The following FUT9 variants were observed in gnomAD, a reference collection of about 807,000 sequenced individuals.
The protein encoded by FUT9 is 4-galactosyl-N-acetylglucosaminide 3-alpha-L-fucosyltransferase 9.
Under a neutral mutation model 29.7 loss-of-function variants are expected in FUT9, and 15 were observed. The ratio of observed to expected loss-of-function variants is 0.51; its 90% CI spans 0.34 to 0.78. The LOEUF (loss-of-function observed/expected upper bound fraction) is 0.78, where lower values mean the gene tolerates loss of function less well. Among genes scored for constraint, FUT9 ranks in the 30% least tolerant of loss-of-function variants. FUT9 has a pLI of 0.01. For missense variants in FUT9, 319 were observed against 425.4 expected (o/e 0.75, Z 2.20); for synonymous variants, 169 against 153.7 (o/e 1.10, Z -0.74).
intron 1 of FUT9, among the ~76,000 whole-genome samples, chr6:96,107,994 T>TCC (rs2127959442): frequency 6.6e-6 from 1 of 152,132 alleles, no homozygotes; most frequent in African/African-American, 2.4e-5. Context: ...CTTTTTTTTT[T>TCC]TTTTTGTCAG....
At chr6:96,038,820 G>A (rs1268779215) in intron 1 of FUT9, among the ~76,000 whole-genome samples, 1 of 152,060 alleles carries the variant, frequency 6.6e-6, no homozygotes, top group Non-Finnish European at 1.5e-5. Flanking sequence ...AAGCTTTGGT[G>A]ATACTGACCT....
At chr6:96,068,979 G>T (rs1457645986) in intron 1 of FUT9, among the ~76,000 whole-genome samples, 2 of 152,124 alleles carry the variant, frequency 1.3e-5, no homozygotes, top group Non-Finnish European at 2.9e-5. Flanking sequence ...AAAATATAAA[G>T]AAAATAGGAT....
At chr6:96,080,843 T>G (rs1771223716) in intron 1 of FUT9, among the ~76,000 whole-genome samples, 1 of 151,962 alleles carries the variant, frequency 6.6e-6, no homozygotes. Context: ...CTATTATACA[T>G]CTCAAAAATG....
chr6:96,074,976 GT>G (rs1347464761), intron 1 of FUT9, among the ~76,000 whole-genome samples: 3 of 151,846 alleles, frequency 2.0e-5, no homozygotes, highest in African/African-American at 7.3e-5. Context: ...AGAGACAGAG[GT>G]CTCACTGTGT....
chr6:96,081,171 T>C (rs1771230996), intron 1 of FUT9, among the ~76,000 whole-genome samples: 1 of 151,858 alleles, frequency 6.6e-6, no homozygotes, highest in South Asian at 2.1e-4. Flanking sequence ...TAAGGAATAT[T>C]TTTCAATGAA....
chr6:96,212,033 A>C lies in FUT9; in HGVS notation c.*7798A>C. The C allele has an allele frequency of 2.4e-6, 1 of 412,154 alleles. No individual in the cohort carries two copies. Among genetic ancestry groups the C allele is most frequent in the Non-Finnish European group, 4.4e-6 (1 of 225,106 alleles). The allele number at this position is 412,154 out of a possible 1,614,324, so 25.5% of individuals were successfully genotyped here. On this transcript the variant is annotated 3_prime_UTR_variant, in exon 3 of 3. Transcript: ENST00000302103. ...CAATTCTACAGAAAGTTATGCTAAC[A>C]TGCTAACTTTCCACACATGGCTGCA... is the stretch of plus-strand genomic sequence containing the variant.
intron 1 of FUT9, among the ~76,000 whole-genome samples, chr6:96,106,247 A>G (rs1027623918): frequency 1.9e-4 from 2 of 10,782 alleles, no homozygotes; most frequent in East Asian, 0.015. Context: ...TCCTTCCTTC[A>G]TCTTCTTAAT....
intron 1 of FUT9, among the ~76,000 whole-genome samples, chr6:96,067,993 A>G (rs374858730): frequency 6.6e-6 from 1 of 152,194 alleles, no homozygotes; most frequent in South Asian, 2.1e-4. Context: ...TATTATTACT[A>G]TAATGTCACT....
In FUT9 at chr6:96,205,204, G is replaced by A. The variant is rs1030329039; in HGVS notation, c.*969G>A. On this transcript the variant is annotated 3_prime_UTR_variant, in exon 3 of 3. Transcript: ENST00000302103. The stretch of plus-strand genomic sequence containing the variant: ...GATATAAGATTTGGCTCATAATGAT[G>A]AGCCCTATCATTTGATTTGAGTTCT... 4.2e-5 allele frequency: 7 copies of A among 166,692 alleles called. No homozygotes were observed. The highest frequency in any genetic ancestry group is 2.1e-4 in the South Asian group (1 of 4,814). The allele number at this position is 166,692 out of a possible 1,614,324, so 10.3% of individuals were successfully genotyped here.
rs777010155 is a variant in FUT9 at position 96,163,284 on chromosome 6, T to TTG, written c.-8-39863_-8-39862insGT. 1.1e-3 allele frequency among the ~76,000 whole-genome samples: 168 copies of TTG among 151,798 alleles called. 1 individual carries two copies. The highest frequency in any genetic ancestry group is 7.3e-3 in the South Asian group (35 of 4,796). ...AGCAGTAACTACTTCCAAGCTCTTT[T>TTG]TTTTTTTTTTTGAAAACGAGAGTCT... On this transcript the variant is annotated intron_variant, in intron 2 of 2. Coordinates refer to ENST00000302103, the MANE Select transcript of FUT9 (RefSeq NM_006581.4).
chr6:96,114,434 C>A (rs1771872680), intron 2 of FUT9, among the ~76,000 whole-genome samples: 1 of 151,090 alleles, frequency 6.6e-6, no homozygotes, highest in Non-Finnish European at 1.5e-5. Context: ...TCTTTTGTTT[C>A]CTAGAAAAAA....
intron 2 of FUT9, among the ~76,000 whole-genome samples, chr6:96,180,753 G>C (rs935784306): frequency 1.3e-5 from 2 of 151,980 alleles, no homozygotes; most frequent in Non-Finnish European, 2.9e-5. Flanking sequence ...GTCACTTAAT[G>C]TCTTCCAAGC....
intron 2 of FUT9, among the ~76,000 whole-genome samples, chr6:96,175,032 C>A (rs1292745843): frequency 6.6e-6 from 1 of 151,882 alleles, no homozygotes; most frequent in African/African-American, 2.4e-5. Flanking sequence ...AATAGTGTTG[C>A]TATTCCGATC....
chr6:96,158,767 A>G (rs1201874893), intron 2 of FUT9, among the ~76,000 whole-genome samples: 2 of 152,170 alleles, frequency 1.3e-5, no homozygotes, highest in African/African-American at 4.8e-5. Context: ...AAAATAAATG[A>G]CTAAAATTGA....
In FUT9 at chr6:96,205,365, T is replaced by A. The variant is rs1189175446; in HGVS notation, c.*1130T>A. On this transcript the variant is annotated 3_prime_UTR_variant, in exon 3 of 3. Transcript: ENST00000302103. ...TCTCAATGCACATTTGTTGGATGAA[T>A]AAATAAATGCAATTGAATTCCCAGA... 1 of 167,052 alleles carries A rather than the reference T, an allele frequency of 6.0e-6. No individual in the cohort carries two copies. The highest frequency in any genetic ancestry group is 2.4e-5 in the African/African-American group (1 of 41,456). 10.3% of individuals were successfully genotyped at this position (167,052 alleles called of 1,614,324 possible).
chr6:96,054,485 T>A (rs184308339), intron 1 of FUT9, among the ~76,000 whole-genome samples: 2 of 152,236 alleles, frequency 1.3e-5, no homozygotes, highest in Non-Finnish European at 2.9e-5. Flanking sequence ...ACCTTTTGAC[T>A]ACAAAGATAA....
intron 2 of FUT9, among the ~76,000 whole-genome samples, chr6:96,159,434 G>C (rs1562146646): frequency 1.3e-5 from 2 of 152,062 alleles, no homozygotes; most frequent in East Asian, 3.8e-4. Context: ...TAAGACATGA[G>C]AAATTAGAAC....
At chr6:96,018,598 T>C (rs1422510931) in intron 1 of FUT9, among the ~76,000 whole-genome samples, 2 of 152,136 alleles carry the variant, frequency 1.3e-5, no homozygotes, top group African/African-American at 4.8e-5. Context: ...GAACTGTATC[T>C]TATAATGCTC....
intron 2 of FUT9, among the ~76,000 whole-genome samples, chr6:96,164,060 T>C (rs1397297881): frequency 6.6e-6 from 1 of 152,054 alleles, no homozygotes; most frequent in Non-Finnish European, 1.5e-5. Context: ...AATCAATACA[T>C]GTAAAATGTG....
Sources: gnomAD v4.1 joint callset for allele counts (sites outside exome capture counted in the v4.1 genomes callset) on GRCh38, gnomAD v4.1.1 for gene constraint, MANE v1.5 for transcripts, NCBI Gene and HGNC (gene_info 2026-07-23, HGNC 2026-07-21) for gene names.